CDCA2: variants seen among roughly 807,000 people sequenced by gnomAD.
The protein encoded by CDCA2 is cell division cycle-associated protein 2.
A neutral mutation model predicts 67.0 loss-of-function variants in CDCA2; 44 were observed. That is an observed-to-expected ratio of 0.66 (90% CI 0.52 to 0.84). The LOEUF is 0.84. Among genes scored for constraint, CDCA2 ranks in the 40% least tolerant of loss-of-function variants. The probability of loss-of-function intolerance (pLI) is 0.00; values close to 1 mark genes in which losing one functional copy is unlikely to be tolerated. For synonymous variants in CDCA2, 447 were observed against 418.7 expected (o/e 1.07, Z -0.82); for missense variants, 1,253 against 1,203.2 (o/e 1.04, Z -0.61).
intron 10 of CDCA2, among the ~76,000 whole-genome samples, chr8:25,484,589 A>ATTTT (rs35499692): frequency 9.0e-4 from 118 of 130,768 alleles, no homozygotes; most frequent in Non-Finnish European, 1.5e-3. Flanking sequence ...GGTATAGATG[A>ATTTT]TTTTTTTTTT....
chr8:25,470,309 C>G (rs777653189), intron 7 of CDCA2, among the ~76,000 whole-genome samples: 1 of 152,118 alleles, frequency 6.6e-6, no homozygotes, highest in African/African-American at 2.4e-5. Context: ...AAGAGTCTTA[C>G]CAGGATGTAA....
chr8:25,488,840 G>A (rs1044058278), intron 13 of CDCA2, 151 bp downstream of exon 13: 7 of 616,532 alleles, frequency 1.1e-5, no homozygotes, highest in South Asian at 8.5e-5. Flanking sequence ...GGGGTGGGGG[G>A]GTTATGTACT....
chr8:25,478,235 C>A (rs1803425548), intron 7 of CDCA2, among the ~76,000 whole-genome samples: 1 of 152,108 alleles, frequency 6.6e-6, no homozygotes, highest in South Asian at 2.1e-4. Flanking sequence ...CAAGTGATAC[C>A]TCCCTTTTTC....
chr8:25,466,826 T>C (rs1028070049), intron 5 of CDCA2, among the ~76,000 whole-genome samples: 9 of 151,948 alleles, frequency 5.9e-5, no homozygotes, highest in African/African-American at 2.2e-4. Flanking sequence ...GAGGATCACT[T>C]GAGGTCAGGA....
chr8:25,483,851 G>A, intron 9 of CDCA2, 115 bp from the exon 10 acceptor site: 1 of 904,634 alleles, frequency 1.1e-6, no homozygotes, highest in Non-Finnish European at 1.6e-6. Flanking sequence ...TGCTTTACTA[G>A]CTATTATACA....
intron 8 of CDCA2, among the ~76,000 whole-genome samples, chr8:25,483,136 A>C (rs954723503): frequency 2.0e-5 from 3 of 152,194 alleles, no homozygotes; most frequent in East Asian, 3.9e-4. Context: ...CAAACATTGA[A>C]TGAATTTGAC....
In CDCA2 at chr8:25,459,338, C is replaced by CG. The variant is rs2117467131; in HGVS notation, c.-133dup. Reference sequence around the variant, plus strand: ...GGGTTCGAAGAGCGGCTCCCGGCTGCGGGTGCTTTGCCAGGAGAGCCCTTC... The same window carrying CG: ...GGGTTCGAAGAGCGGCTCCCGGCTGCGGGGTGCTTTGCCAGGAGAGCCCTTC... On this transcript the variant is annotated 5_prime_UTR_variant, in exon 1 of 15. Coordinates refer to ENST00000330560, the MANE Select transcript of CDCA2 (RefSeq NM_152562.4). The CG allele has an allele frequency of 6.6e-6, 1 of 152,436 alleles. No homozygotes were observed. Among genetic ancestry groups the CG allele is most frequent in the Non-Finnish European group, 1.5e-5 (1 of 68,168 alleles). The allele number at this position is 152,436 out of a possible 1,614,324, so 9.4% of individuals were successfully genotyped here.
chr8:25,495,941 CATTTT>C (rs1236656006), intron 13 of CDCA2, among the ~76,000 whole-genome samples: 1 of 152,128 alleles, frequency 6.6e-6, no homozygotes, highest in Non-Finnish European at 1.5e-5. Context: ...AGTAGAAACT[CATTTT>C]ATTTTCCATT....
At chr8:25,497,086 C>A (rs933207872) in intron 13 of CDCA2, among the ~76,000 whole-genome samples, 1 of 152,128 alleles carries the variant, frequency 6.6e-6, no homozygotes, top group Non-Finnish European at 1.5e-5. Flanking sequence ...TTTAGTCTTA[C>A]AGTCCCAAGT....
intron 4 of CDCA2, among the ~76,000 whole-genome samples, chr8:25,465,074 A>G (rs1802847433): frequency 6.6e-6 from 1 of 152,162 alleles, no homozygotes; most frequent in African/African-American, 2.4e-5. Context: ...CCCAGGTTCA[A>G]GCGATTCTCC....
Position 25,507,743 on chromosome 8 carries a change from C to T in CDCA2, c.*5C>T, listed in dbSNP as rs1343784064. On this transcript the variant is annotated 3_prime_UTR_variant, in exon 15 of 15. Transcript: ENST00000330560. ...AATGGAGAAAGAAAGCAGTAATTGA[C>T]ATTTCCTGCAGAGTCTGTGGCAAGA... 1 of 1,606,856 alleles carries T rather than the reference C, an allele frequency of 6.2e-7. No individual in the cohort carries two copies. The highest frequency in any genetic ancestry group is 1.1e-5 in the South Asian group (1 of 90,140).
intron 8 of CDCA2, among the ~76,000 whole-genome samples, chr8:25,480,326 C>T (rs1027664570): frequency 3.3e-5 from 5 of 151,802 alleles, no homozygotes; most frequent in Non-Finnish European, 7.4e-5. Context: ...AATTAAGTAT[C>T]GTATATAGCA....
intron 7 of CDCA2, 53 bp downstream of exon 7, chr8:25,470,033 T>C (rs1233786516): frequency 8.0e-7 from 1 of 1,254,450 alleles, no homozygotes; most frequent in African/African-American, 1.5e-5. Context: ...TAGACATTTA[T>C]GATTAGTGTA....
chr8:25,503,807 A>C (rs904650587), intron 14 of CDCA2, among the ~76,000 whole-genome samples: 1 of 152,208 alleles, frequency 6.6e-6, no homozygotes, highest in South Asian at 2.1e-4. Flanking sequence ...TTTGCATATA[A>C]TATCAGTAAT....
chr8:25,502,475 A>G (rs999363982), intron 13 of CDCA2, among the ~76,000 whole-genome samples: 10 of 151,934 alleles, frequency 6.6e-5, no homozygotes, highest in Admixed American at 6.6e-4. Context: ...CAGTCAATTA[A>G]TGTCAGACCT....
chr8:25,495,605 A>G (rs1268419826), intron 13 of CDCA2, among the ~76,000 whole-genome samples: 2 of 152,044 alleles, frequency 1.3e-5, no homozygotes, highest in African/African-American at 2.4e-5. Flanking sequence ...ATTTTTTAGT[A>G]GAGACTGGGT....
At chr8:25,503,603 C>A in intron 14 of CDCA2, 59 bp downstream of exon 14, 2 of 1,513,350 alleles carry the variant, frequency 1.3e-6, no homozygotes, top group Non-Finnish European at 1.8e-6. Flanking sequence ...CTCTTTGTTG[C>A]TATTTTACTT....
chr8:25,463,659 A>G (rs939494722), intron 4 of CDCA2, among the ~76,000 whole-genome samples: 1 of 152,074 alleles, frequency 6.6e-6, no homozygotes, highest in Non-Finnish European at 1.5e-5. Context: ...GCAGCCTCCT[A>G]CGTTCTCCCT....
In CDCA2 at chr8:25,506,669, C is replaced by T. The variant is rs750926009; in HGVS notation, c.2003C>T (p.Ser668Leu). The T allele has an allele frequency of 5.5e-5, 88 of 1,613,162 alleles. No homozygotes were observed. Among genetic ancestry groups the T allele is most frequent in the Non-Finnish European group, 6.9e-5 (81 of 1,179,852 alleles). ...EFCSYIKSSSSLGNATSDEDP... is the reference protein window; with the variant it reads ...EFCSYIKSSSLLGNATSDEDP... ...TGCTCTTATATAAAAAGTTCCTCAT[C>T]GCTTGGCAATGCTACTTCTGATGAA... Residue 668 changes from serine (S) to leucine (L), a missense_variant, in exon 15 of 15, where the codon TCG (serine) becomes TTG (leucine). Physicochemically the swap from Ser to Leu is moderately radical, Grantham distance 145. Transcript: ENST00000330560.
Sources: allele counts gnomAD v4.1 joint callset (sites outside exome capture counted in the v4.1 genomes callset), GRCh38; gene constraint gnomAD v4.1.1; transcripts MANE v1.5; gene names NCBI Gene and HGNC (gene_info 2026-07-23, HGNC 2026-07-21).